The following LRP1 variants were observed in gnomAD, a reference collection of about 807,000 sequenced individuals.
LRP1 encodes prolow-density lipoprotein receptor-related protein 1.
LRP1 carries 51 observed loss-of-function variants against 541.5 expected under a neutral mutation model. The ratio of observed to expected loss-of-function variants is 0.09; its 90% CI spans 0.08 to 0.12. LRP1 has a LOEUF of 0.12. LRP1 is among the 10% of genes least tolerant of loss of function. The pLI, the probability that LRP1 is intolerant of heterozygous loss-of-function variation, is 1.00. For synonymous variants in LRP1, 2,219 were observed against 2,470.8 expected (o/e 0.90, Z 3.02); for missense variants, 3,878 against 6,376.2 (o/e 0.61, Z 13.34).
chr12:57,209,491 T>C (rs976955421), intron 79 of LRP1, among the ~76,000 whole-genome samples: 2 of 152,218 alleles, frequency 1.3e-5, no homozygotes, highest in Non-Finnish European at 2.9e-5. Flanking sequence ...AAGTCAGTCA[T>C]GACTGACCCC....
chr12:57,201,068 C>T lies in LRP1; in HGVS notation c.10260C>T (p.Cys3420=), dbSNP rs1338761497. Residue 3420 remains cysteine (C), a synonymous_variant, in exon 65 of 89, where the codon TGC becomes TGT. Transcript: ENST00000243077. This position sits in a 1 kb window ranked among gnomAD's most constrained non-coding sequence, Gnocchi z 6.4. ...TCTGCTTGCCCAGTCAGTTCAAATG[C>T]ACCAACACCAACCGCTGTATTCCCG... The part of the protein sequence containing the change: ...IHVCLPSQFK[C]TNTNRCIPGI... 6 of 1,614,100 alleles carry T rather than the reference C, an allele frequency of 3.7e-6. No homozygotes were observed. Among genetic ancestry groups the T allele is most frequent in the Middle Eastern group, 1.6e-4 (1 of 6,062 alleles).
rs1408551626 is a variant in LRP1, at chr12:57,158,415, G to C, written c.1575G>C (p.Glu525Asp). Reference protein sequence around the residue: ...DGKSCKKPEHELFLVYGKGRP... With the variant: ...DGKSCKKPEHDLFLVYGKGRP... ...TGCCTGCTCTAGAGCCGGAGCATGA[G>C]CTGTTCCTCGTGTATGGCAAGGGCC... Residue 525 changes from glutamate (E) to aspartate (D), a missense_variant, in exon 11 of 89, where the codon GAG becomes GAC. Physicochemically the swap from Glu to Asp is conservative, Grantham distance 45. Coordinates refer to ENST00000243077, the MANE Select transcript of LRP1 (RefSeq NM_002332.3). The surrounding 1 kb of genome is among the most constrained non-coding windows in gnomAD (Gnocchi z 5.3). 1 of 1,610,346 alleles carries C rather than the reference G, an allele frequency of 6.2e-7. No individual in the cohort carries two copies.
At chr12:57,182,282 C>T (rs1288941758) in intron 34 of LRP1, among the ~76,000 whole-genome samples, 2 of 148,486 alleles carry the variant, frequency 1.3e-5, no homozygotes, top group Non-Finnish European at 3.0e-5. Context: ...AGGCTGAGGC[C>T]GGCCGATCAC....
In LRP1 at chr12:57,205,461, G is replaced by A. The variant is rs775005771; in HGVS notation, c.11446G>A (p.Val3816Met). 13 of 1,610,946 alleles carry A rather than the reference G, an allele frequency of 8.1e-6. No individual in the cohort carries two copies. The highest frequency in any genetic ancestry group is 3.3e-5 in the Admixed American group (2 of 59,956). Residue 3816 changes from valine to methionine, a missense_variant, in exon 74 of 89, where the codon GTG becomes ATG. Physicochemically the swap from Val to Met is conservative, Grantham distance 21. Transcript: ENST00000243077. The surrounding 1 kb of genome is among the most constrained non-coding windows in gnomAD (Gnocchi z 4.6). ...TGCCTGCCGCTCGGGCTTCCACACC[G>A]TGCCCGGCCAGCCCGGATGCCAAGG... ...YCACRSGFHT[V>M]PGQPGCQDIN...
At position 57,156,456 on chromosome 12, in the gene LRP1, C is replaced by T. The variant is rs2035622066; in HGVS notation, c.1417+173C>T. Among the ~76,000 whole-genome samples the T allele has an allele frequency of 6.6e-6, 1 of 152,210 alleles. No individual in the cohort carries two copies. Among genetic ancestry groups the T allele is most frequent in the East Asian group, 1.9e-4 (1 of 5,198 alleles). ...TACCTGCCCTGGCCCCTCAGCTTCC[C>T]CTGCCAGCCCCCATCCACCCACTCA... On this transcript the variant is annotated intron_variant, in intron 9 of 88. Coordinates refer to ENST00000243077, the MANE Select transcript of LRP1 (RefSeq NM_002332.3). This position sits in a 1 kb window ranked among gnomAD's most constrained non-coding sequence, Gnocchi z 5.2.
In LRP1 at chr12:57,204,125, C is replaced by T. The variant is rs1231376016; in HGVS notation, c.10952-285C>T. The T allele has an allele frequency of 1.2e-5, 4 of 332,916 alleles. No homozygotes were observed. The highest frequency in any genetic ancestry group is 2.2e-5 in the Non-Finnish European group (4 of 182,576). The allele number at this position is 332,916 out of a possible 1,614,324, so 20.6% of individuals were successfully genotyped here. On this transcript the variant is annotated intron_variant, in intron 70 of 88. Coordinates refer to ENST00000243077, the MANE Select transcript of LRP1 (RefSeq NM_002332.3). The surrounding 1 kb of genome is among the most constrained non-coding windows in gnomAD (Gnocchi z 5.3). Reference sequence around the variant, plus strand: ...TGGAACTACACAGCCCAGTGCTGTTCCCACGTCCCCGCTGTGGAACTACAC... The same window carrying T: ...TGGAACTACACAGCCCAGTGCTGTTTCCACGTCCCCGCTGTGGAACTACAC...
chr12:57,133,532 A>C (rs1297560548), intron 1 of LRP1, among the ~76,000 whole-genome samples: 2 of 152,086 alleles, frequency 1.3e-5, no homozygotes, highest in African/African-American at 2.4e-5. Flanking sequence ...AAATTCAGTG[A>C]AAACCTCTCG....
chr12:57,189,057 G>C lies in LRP1; in HGVS notation c.7031+1601G>C, dbSNP rs551675937. ...CAGCCTCCTCCTGAGCCCTCCCCGC[G>C]TCAGCACTGGAGCACTGATGGCCCT... On this transcript the variant is annotated intron_variant, in intron 42 of 88. Coordinates refer to ENST00000243077, the MANE Select transcript of LRP1 (RefSeq NM_002332.3). The surrounding 1 kb of genome is among the most constrained non-coding windows in gnomAD (Gnocchi z 4.4). Among the ~76,000 whole-genome samples, 1 of 152,180 alleles carries C rather than the reference G, an allele frequency of 6.6e-6. No individual in the cohort carries two copies. The highest frequency in any genetic ancestry group is 1.5e-5 in the Non-Finnish European group (1 of 68,024).
At position 57,181,033 on chromosome 12, in the gene LRP1, G is replaced by A. The variant is rs989598555; in HGVS notation, c.5528-124G>A. 13 of 1,304,506 alleles carry A rather than the reference G, an allele frequency of 1.0e-5. No homozygotes were observed. In the African/African-American group the frequency reaches 1.9e-4, roughly 19 times the overall value. The allele number at this position is 1,304,506 out of a possible 1,614,324, so 80.8% of individuals were successfully genotyped here. A position where few individuals can be genotyped will look rare whatever the true frequency, so the allele number is the denominator to read the frequency against. On this transcript the variant is annotated intron_variant, in intron 33 of 88. Transcript: ENST00000243077. ...ACAGAAAACCTGAGAGCTGGGTAGG[G>A]TGGTGACCCCCATTAGGTCCAGGGT...
chr12:57,196,992 G>T lies in LRP1; in HGVS notation c.8903G>T (p.Arg2968Leu). ...TCCCTGTGCCTGCAGTGCCGCTGTCGCCCTGGCTTCCGGCTGAAGGACGAC... is the reference window on the plus strand; with the variant it reads ...TCCCTGTGCCTGCAGTGCCGCTGTCTCCCTGGCTTCCGGCTGAAGGACGAC... ...DLKIGFKCRCRPGFRLKDDGR... is the reference protein window; with the variant it reads ...DLKIGFKCRCLPGFRLKDDGR... The change falls in exon 56 of 89, where the codon CGC (arginine) becomes CTC (leucine). Residue 2968 changes from arginine to leucine, a missense_variant. By Grantham distance (102) the Arg-to-Leu change is moderately radical (BLOSUM62 -2). This residue lies in a region of LRP1 where 1,100 missense variants were observed against 1,827.4 expected (regional missense o/e 0.60). Coordinates refer to ENST00000243077, the MANE Select transcript of LRP1 (RefSeq NM_002332.3). 1.2e-6 allele frequency: 2 copies of T among 1,611,200 alleles called. No individual in the cohort carries two copies. Among genetic ancestry groups the T allele is most frequent in the South Asian group, 2.2e-5 (2 of 90,956 alleles).
In LRP1 at chr12:57,177,547, C is replaced by T. The variant is rs1390475053; in HGVS notation, c.4317C>T (p.Leu1439=). The change falls in exon 26 of 89, where the codon CTC becomes CTT. Residue 1439 remains leucine (L), a synonymous_variant. Transcript: ENST00000243077. This position sits in a 1 kb window ranked among gnomAD's most constrained non-coding sequence, Gnocchi z 6.8. ...ETGSGGWPNG[L]TVDYLEKRIL... is the part of the protein sequence containing the mutation. The stretch of plus-strand genomic sequence containing the variant: ...GCTCTGGGGGCTGGCCCAACGGGCT[C>T]ACCGTGGACTACCTGGAGAAGCGCA... 6 of 1,613,938 alleles carry T rather than the reference C, an allele frequency of 3.7e-6. No homozygotes were observed. Among genetic ancestry groups the T allele is most frequent in the Non-Finnish European group, 4.2e-6 (5 of 1,179,980 alleles).
In LRP1 at chr12:57,185,219, T is replaced by C; in HGVS notation, c.6463+14T>C. ...ACCGGCAGAAAGGTGAGGCTGGGGC[T>C]CTGGGCTGGGGTGGAGAGGTGAGGG... On this transcript the variant is annotated intron_variant, in intron 40 of 88. Transcript: ENST00000243077. This position sits in a 1 kb window ranked among gnomAD's most constrained non-coding sequence, Gnocchi z 4.9. 6.2e-7 allele frequency: 1 copy of C among 1,613,852 alleles called. No homozygotes were observed. Among genetic ancestry groups the C allele is most frequent in the Non-Finnish European group, 8.5e-7 (1 of 1,179,904 alleles).
In LRP1 at chr12:57,156,368, C is replaced by A. The variant is rs1012927804; in HGVS notation, c.1417+85C>A. ...TTGGGATCACAGCCCCTCTCTGGGC[C>A]CTCCTGTGGGGACCCTGGCTTCTTT... On this transcript the variant is annotated intron_variant, in intron 9 of 88. Coordinates refer to ENST00000243077, the MANE Select transcript of LRP1 (RefSeq NM_002332.3). This position sits in a 1 kb window ranked among gnomAD's most constrained non-coding sequence, Gnocchi z 5.2. 1.2e-5 allele frequency: 16 copies of A among 1,369,474 alleles called. No individual in the cohort carries two copies. The East Asian group carries it at 3.4e-4, about 29-fold the overall frequency. The allele number at this position is 1,369,474 out of a possible 1,614,324, so 84.8% of individuals were successfully genotyped here. A position where few individuals can be genotyped will look rare whatever the true frequency, so the allele number is the denominator to read the frequency against.
At chr12:57,202,695 G>C in intron 68 of LRP1, 158 bp downstream of exon 68, 1 of 624,666 alleles carries the variant, frequency 1.6e-6, no homozygotes, top group East Asian at 2.7e-5. Flanking sequence ...TCGTGTATTT[G>C]AGTTTGTGCC....
intron 77 of LRP1, 32 bp downstream of exon 77, chr12:57,208,248 G>A (rs1463072359): frequency 1.2e-6 from 2 of 1,601,218 alleles, no homozygotes; most frequent in Non-Finnish European, 1.7e-6. Flanking sequence ...AGGCCTCTGG[G>A]CTGGTGGTAG....
chr12:57,173,886 T>G lies in LRP1; in HGVS notation c.3453T>G (p.Pro1151=). 6.2e-7 allele frequency: 1 copy of G among 1,614,226 alleles called. No homozygotes were observed. Among genetic ancestry groups the G allele is most frequent in the Non-Finnish European group, 8.5e-7 (1 of 1,180,042 alleles). The change falls in exon 22 of 89, where the codon CCT becomes CCG. Residue 1151 remains proline (P), a synonymous_variant. Transcript: ENST00000243077. The surrounding 1 kb of genome is among the most constrained non-coding windows in gnomAD (Gnocchi z 4.7). ...TGGCCTGCAGGCCACCCTCGCACCC[T>G]TGTGCCAACAACACCTCAGTCTGCC... ...ESLACRPPSH[P]CANNTSVCLP...
At chr12:57,175,152 G>A (rs918839251) in intron 22 of LRP1, among the ~76,000 whole-genome samples, 9 of 151,906 alleles carry the variant, frequency 5.9e-5, no homozygotes, top group African/African-American at 1.9e-4. Flanking sequence ...TGGGGCCCCC[G>A]CCCTGGGCCC....
rs1296158374 is a variant in LRP1 at position 57,208,832 on chromosome 12, G to A, written c.12145+15G>A. ...GTGGCCCACAGGTTTGTGGGGCAGG[G>A]TGCAGGAGGGACGGGCATGGAGGGG... is the stretch of plus-strand genomic sequence containing the variant. On this transcript the variant is annotated intron_variant, in intron 78 of 88. Coordinates refer to ENST00000243077, the MANE Select transcript of LRP1 (RefSeq NM_002332.3). 6 of 1,602,682 alleles carry A rather than the reference G, an allele frequency of 3.7e-6. No individual in the cohort carries two copies. The highest frequency in any genetic ancestry group is 1.1e-5 in the South Asian group (1 of 90,826).
Position 57,165,977 on chromosome 12 carries a change from ATGG to A in LRP1, c.2671+33_2671+35del. 1 of 1,612,966 alleles carries A rather than the reference ATGG, an allele frequency of 6.2e-7. No individual in the cohort carries two copies. The highest frequency in any genetic ancestry group is 8.5e-7 in the Non-Finnish European group (1 of 1,179,014). Reference sequence around the variant, plus strand: ...CACACGCCCTGCCCCACCCTGTTGGATGGCAGGCCTGCAGGGCAGCTCGGCTCT... The same window carrying A: ...CACACGCCCTGCCCCACCCTGTTGGACAGGCCTGCAGGGCAGCTCGGCTCT... On this transcript the variant is annotated intron_variant, in intron 16 of 88. Transcript: ENST00000243077. This position sits in a 1 kb window ranked among gnomAD's most constrained non-coding sequence, Gnocchi z 4.5.
Sources: gnomAD v4.1 joint callset for allele counts (sites outside exome capture counted in the v4.1 genomes callset) on GRCh38, gnomAD v4.1.1 for gene constraint, gnomAD v4.1.1 regional missense constraint, Gnocchi (gnomAD v3.1) non-coding constraint, MANE v1.5 for transcripts, NCBI Gene and HGNC (gene_info 2026-07-23, HGNC 2026-07-21) for gene names.